The following PSG9 variants were observed in gnomAD, a reference collection of about 807,000 sequenced individuals.
PSG9 encodes the protein pregnancy-specific beta-1-glycoprotein 9.
In PSG9, 49 loss-of-function variants were observed where a neutral mutation model predicts 41.9. The ratio of observed to expected loss-of-function variants is 1.17; its 90% CI spans 0.93 to 1.48. PSG9 has a LOEUF of 1.48. Ranked by LOEUF, PSG9 falls within the 40% of genes most tolerant of loss-of-function variation. PSG9 has a pLI of 0.00. For missense variants in PSG9, 641 were observed against 520.3 expected (o/e 1.23, Z -2.26); for synonymous variants, 263 against 196.8 (o/e 1.34, Z -2.82).
intron 5 of PSG9, among the ~76,000 whole-genome samples, chr19:43,254,735 A>G (rs1427017723): frequency 6.8e-6 from 1 of 146,052 alleles, no homozygotes; most frequent in Non-Finnish European, 1.5e-5. Context: ...AACAAAATTG[A>G]CAACCATTAA....
Position 43,258,412 on chromosome 19 carries a change from G to C in PSG9, c.1033C>G (p.Arg345Gly). 4 of 1,588,582 alleles carry C rather than the reference G, an allele frequency of 2.5e-6. No homozygotes were observed. The highest frequency in any genetic ancestry group is 3.4e-6 in the Non-Finnish European group (4 of 1,172,650). Residue 345 changes from arginine (R) to glycine (G), a missense_variant, in exon 5 of 6, where the codon CGT becomes GGT. Arg to Gly is a moderately radical substitution (Grantham distance 125, BLOSUM62 -2). Coordinates refer to ENST00000270077, the MANE Select transcript of PSG9 (RefSeq NM_002784.5). ...GACAAGTCGAGGTTTTCTCCTGAACGGTAATAGGTGAATGAAGGGTAAATT... is the reference window on the plus strand; with the variant it reads ...GACAAGTCGAGGTTTTCTCCTGAACCGTAATAGGTGAATGAAGGGTAAATT... ...PRIYPSFTYY[R>G]SGENLDLSCF...
chr19:43,260,701 A>C (rs1286035819), intron 3 of PSG9: 1 of 151,830 alleles, frequency 6.6e-6, no homozygotes, highest in Non-Finnish European at 1.5e-5. Context: ...AGATCCTGTC[A>C]GGTCAGATTT....
rs371224482 is a variant in PSG9 at position 43,262,012 on chromosome 19, C to G, written c.557G>C (p.Ser186Thr). The change falls in exon 3 of 6, where the codon AGC (serine) becomes ACC (threonine). Residue 186 changes from serine to threonine, a missense_variant. Physicochemically the swap from Ser to Thr is moderately conservative, Grantham distance 58 (BLOSUM62 1). Coordinates refer to ENST00000270077, the MANE Select transcript of PSG9 (RefSeq NM_002784.5). ...CTGCAACCTGTGAGTCACAGGGAGG[C>G]TCTGACCATTCATCCACCATAGGTA... ...ASYLWWMNGQSLPVTHRLQLS... is the reference protein window; with the variant it reads ...ASYLWWMNGQTLPVTHRLQLS... 1 of 1,613,896 alleles carries G rather than the reference C, an allele frequency of 6.2e-7. No homozygotes were observed. The highest frequency in any genetic ancestry group is 1.7e-5 in the Admixed American group (1 of 60,000).
chr19:43,254,758 A>G (rs1390598988), intron 5 of PSG9, among the ~76,000 whole-genome samples: 1 of 145,792 alleles, frequency 6.9e-6, no homozygotes. Flanking sequence ...AGATTGACTA[A>G]GAAAAAAAGA....
At chr19:43,269,317 C>A (rs764384157) in intron 1 of PSG9, 51 bp downstream of exon 1, 1 of 1,612,328 alleles carries the variant, frequency 6.2e-7, no homozygotes, top group Admixed American at 1.7e-5. Context: ...AGACCCCATC[C>A]AGTCACTCCG....
rs1387544488 is a variant in PSG9 at position 43,261,888 on chromosome 19, G to A, written c.681C>T (p.Arg227=). 6.2e-7 allele frequency: 1 copy of A among 1,613,936 alleles called. No homozygotes were observed. The highest frequency in any genetic ancestry group is 2.2e-5 in the East Asian group (1 of 44,890). Residue 227 remains arginine, a synonymous_variant, in exon 3 of 6, where the codon CGC becomes CGT. Transcript: ENST00000270077. ...CEIRNPVSAS[R]SDPVTLNLLP... ...GGAGATTCAGGGTGACTGGGTCACT[G>A]CGACTGGCACTCACTGGGTTCCGTA... is the stretch of plus-strand genomic sequence containing the variant.
rs200141121 is a variant in PSG9 at position 43,261,327 on chromosome 19, G to T, written c.709+533C>A. On this transcript the variant is annotated intron_variant, in intron 3 of 5. Coordinates refer to ENST00000270077, the MANE Select transcript of PSG9 (RefSeq NM_002784.5). The stretch of plus-strand genomic sequence containing the variant: ...GGGGGATAAAGAACACTTGTGCTGA[G>T]TGCTGGAACTTCCCATCAATCAGCC... Among the ~76,000 whole-genome samples, 167 of 152,250 alleles carry T rather than the reference G, an allele frequency of 1.1e-3. 4 individuals carry two copies. In the East Asian group the frequency reaches 0.014, roughly 12 times the overall value.
chr19:43,258,807 T>C, intron 4 of PSG9, 50 bp downstream of exon 4: 1 of 1,575,830 alleles, frequency 6.3e-7, no homozygotes, highest in Non-Finnish European at 8.6e-7. Context: ...CATCTGGTCG[T>C]TTGGACTTAA....
At chr19:43,267,054 G>C (rs1969002952) in intron 2 of PSG9, among the ~76,000 whole-genome samples, 1 of 152,098 alleles carries the variant, frequency 6.6e-6, no homozygotes, top group Non-Finnish European at 1.5e-5. Flanking sequence ...GATCCCTGTG[G>C]ACAAGCTGCT....
At chr19:43,262,512 G>A (rs1599831839) in intron 2 of PSG9, among the ~76,000 whole-genome samples, 1 of 152,210 alleles carries the variant, frequency 6.6e-6, no homozygotes, top group African/African-American at 2.4e-5. Flanking sequence ...CTTAGTTTCA[G>A]TCTTACTTTG....
At chr19:43,254,965 C>A (rs1968392836) in intron 5 of PSG9, among the ~76,000 whole-genome samples, 1 of 144,026 alleles carries the variant, frequency 6.9e-6, no homozygotes, top group African/African-American at 2.7e-5. Context: ...GTGACATGCA[C>A]CTGTAGTCCT....
rs146669930 is a variant in PSG9, at chr19:43,261,220, C to T, written c.709+640G>A. Among the ~76,000 whole-genome samples, 971 of 152,188 alleles carry T rather than the reference C, an allele frequency of 6.4e-3. 17 individuals are homozygous for T. The highest frequency in any genetic ancestry group is 0.022 in the African/African-American group (933 of 41,502). ...GGACCCACTTACCAGGGACTATGAT[C>T]CTCTTGATTATGAGATTTGTTCCAC... On this transcript the variant is annotated intron_variant, in intron 3 of 5. Coordinates refer to ENST00000270077, the MANE Select transcript of PSG9 (RefSeq NM_002784.5).
intron 2 of PSG9, among the ~76,000 whole-genome samples, chr19:43,264,166 T>C (rs148449707): frequency 4.6e-5 from 7 of 152,124 alleles, no homozygotes; most frequent in East Asian, 1.9e-4. Flanking sequence ...CCATTAGATA[T>C]CACCCACCTG....
chr19:43,253,885 T>A (rs1337394883), intron 5 of PSG9, among the ~76,000 whole-genome samples: 1 of 146,368 alleles, frequency 6.8e-6, no homozygotes, highest in Non-Finnish European at 1.5e-5. Flanking sequence ...CAGCTCTGCA[T>A]AGTGTTCTGT....
intron 2 of PSG9, among the ~76,000 whole-genome samples, chr19:43,263,997 C>G (rs1298386318): frequency 3.3e-5 from 5 of 152,116 alleles, no homozygotes; most frequent in Admixed American, 6.5e-5. Context: ...TTCATTTTCT[C>G]TTAAGCTCAG....
chr19:43,264,171 C>T (rs1402672537), intron 2 of PSG9, among the ~76,000 whole-genome samples: 3 of 152,016 alleles, frequency 2.0e-5, no homozygotes, highest in African/African-American at 7.3e-5. Flanking sequence ...AGATATCACC[C>T]ACCTGGCCAC....
intron 2 of PSG9, among the ~76,000 whole-genome samples, chr19:43,266,727 C>G (rs904947469): frequency 2.0e-5 from 3 of 152,084 alleles, no homozygotes; most frequent in Admixed American, 1.3e-4. Context: ...CAATAAATGA[C>G]TATGGGGTCC....
Position 43,253,564 on chromosome 19 carries a change from G to A in PSG9, c.*45C>T. 1 of 671,296 alleles carries A rather than the reference G, an allele frequency of 1.5e-6. No homozygotes were observed. Among genetic ancestry groups the A allele is most frequent in the Non-Finnish European group, 2.7e-6 (1 of 376,396 alleles). 41.6% of individuals were successfully genotyped at this position (671,296 alleles called of 1,614,324 possible). A position where few individuals can be genotyped will look rare whatever the true frequency, so the allele number is the denominator to read the frequency against. On this transcript the variant is annotated 3_prime_UTR_variant, in exon 6 of 6. Transcript: ENST00000270077. ...TTTTCTTCTTTGTCTTGAATTTCATGAAGGTATCAGCCTGTTCTTTTTCTC... is the reference window on the plus strand; with the variant it reads ...TTTTCTTCTTTGTCTTGAATTTCATAAAGGTATCAGCCTGTTCTTTTTCTC...
intron 3 of PSG9, chr19:43,259,610 T>C (rs1968614782): frequency 6.1e-6 from 1 of 164,526 alleles, no homozygotes; most frequent in African/African-American, 2.6e-5. Flanking sequence ...CCTGAGACCC[T>C]GAAGATACTT....
Sources: gnomAD v4.1 joint callset for allele counts (sites outside exome capture counted in the v4.1 genomes callset) on GRCh38, gnomAD v4.1.1 for gene constraint, MANE v1.5 for transcripts, NCBI Gene and HGNC (gene_info 2026-07-23, HGNC 2026-07-21) for gene names.